Variants in COP1 observed in about 807,000 individuals in gnomAD.
COP1 encodes COP1 E3 ubiquitin ligase.
In COP1, 24 loss-of-function variants were observed where a neutral mutation model predicts 101.3. The observed-to-expected ratio is 0.24, with a 90% CI of 0.17 to 0.33. The LOEUF (loss-of-function observed/expected upper bound fraction) is 0.33, where lower values mean the gene tolerates loss of function less well. Ranked by LOEUF, COP1 falls within the 10% of genes least tolerant of loss-of-function variation. COP1 has a pLI of 1.00. For missense variants in COP1, 663 were observed against 906.2 expected, an observed-to-expected ratio of 0.73 and a Z score of 3.45; for synonymous variants, 347 against 341.9, an observed-to-expected ratio of 1.01 and a Z score of -0.17.
At chr1:176,001,044 T>C (rs545816176) in intron 15 of COP1, among the ~76,000 whole-genome samples, 1 of 152,192 alleles carries the variant, frequency 6.6e-6, no homozygotes, top group East Asian at 1.9e-4. Flanking sequence ...AATTTTAGAA[T>C]TACTATTTTA....
intron 9 of COP1, among the ~76,000 whole-genome samples, chr1:176,109,005 G>T (rs187539606): frequency 6.6e-6 from 1 of 152,086 alleles, no homozygotes; most frequent in Admixed American, 6.5e-5. Context: ...TCAGCTACTC[G>T]GGAGGCTGAG....
chr1:176,054,663 T>A (rs759209550), intron 11 of COP1, among the ~76,000 whole-genome samples: 1 of 152,180 alleles, frequency 6.6e-6, no homozygotes, highest in African/African-American at 2.4e-5. Flanking sequence ...AGTCCCATCC[T>A]TGCTTACCTA....
At chr1:176,069,850 T>G (rs959413195) in intron 11 of COP1, among the ~76,000 whole-genome samples, 4 of 152,222 alleles carry the variant, frequency 2.6e-5, no homozygotes, top group African/African-American at 9.6e-5. Context: ...CAACAGATTA[T>G]CTCCTTTCCC....
chr1:176,190,403 A>G (rs941090290), intron 1 of COP1, among the ~76,000 whole-genome samples: 2 of 152,046 alleles, frequency 1.3e-5, no homozygotes, highest in African/African-American at 4.8e-5. Context: ...CTGTTTATTA[A>G]AATCGTGTTC....
At chr1:176,046,007 C>G (rs1187281458) in intron 12 of COP1, among the ~76,000 whole-genome samples, 174 bp downstream of exon 12, 1 of 150,224 alleles carries the variant, frequency 6.7e-6, no homozygotes, top group Non-Finnish European at 1.5e-5. Context: ...AAAAAGCAAC[C>G]AATATCTGTA....
chr1:176,105,856 G>C (rs1364983740), intron 9 of COP1, among the ~76,000 whole-genome samples: 1 of 152,098 alleles, frequency 6.6e-6, no homozygotes, highest in Non-Finnish European at 1.5e-5. Context: ...TAACCAAAAT[G>C]TATGCATCTA....
rs762203205 is a variant in COP1 at position 175,968,530 on chromosome 1, C to T, written c.2133+18413G>A. On this transcript the variant is annotated intron_variant, in intron 18 of 19. Coordinates refer to ENST00000367669, the MANE Select transcript of COP1 (RefSeq NM_022457.7). ...CATTTGTCCACATGGCTGGTTCCAG[C>T]AGCTTCCATTTCTGGTGTGCTTCAT... 52 of 517,708 alleles carry T rather than the reference C, an allele frequency of 1.0e-4. No individual in the cohort carries two copies. The Admixed American group carries it at 1.0e-3, about 10-fold the overall frequency. The allele number at this position is 517,708 out of a possible 1,614,324, so 32.1% of individuals were successfully genotyped here.
Position 176,025,753 on chromosome 1 carries a change from G to A in COP1, c.1729+1819C>T, listed in dbSNP as rs544269216. Among the ~76,000 whole-genome samples the A allele has an allele frequency of 2.6e-5, 4 of 152,084 alleles. No individual in the cohort carries two copies. The South Asian group carries it at 8.3e-4, about 32-fold the overall frequency. ...AAAAATACAAAAATTAGCCAGGTGT[G>A]GTGGTGCACGCCTGTAGTCCCAGCT... On this transcript the variant is annotated intron_variant, in intron 15 of 19. Coordinates refer to ENST00000367669, the MANE Select transcript of COP1 (RefSeq NM_022457.7).
chr1:176,173,595 G>A (rs964259563), intron 3 of COP1, among the ~76,000 whole-genome samples: 1 of 150,202 alleles, frequency 6.7e-6, no homozygotes, highest in African/African-American at 2.5e-5. Flanking sequence ...AGCCATGATC[G>A]CACTACTGCA....
At chr1:176,073,282 C>T (rs945256494) in intron 11 of COP1, among the ~76,000 whole-genome samples, 1 of 152,110 alleles carries the variant, frequency 6.6e-6, no homozygotes, top group Admixed American at 6.6e-5. Flanking sequence ...TCAATGAATG[C>T]CACCATAGAT....
intron 3 of COP1, 47 bp from the exon 4 acceptor site, chr1:176,163,938 T>C (rs1694722082): frequency 7.6e-7 from 1 of 1,313,514 alleles, no homozygotes; most frequent in Non-Finnish European, 1.1e-6. Context: ...TGTATTTTTG[T>C]TAAATGTATC....
intron 18 of COP1, among the ~76,000 whole-genome samples, chr1:175,985,112 A>G (rs1656796496): frequency 1.3e-5 from 2 of 152,214 alleles, no homozygotes; most frequent in Non-Finnish European, 2.9e-5. Flanking sequence ...AGGGGCCAGA[A>G]GCAGAATGAT....
At chr1:176,092,231 A>G (rs778080522) in intron 9 of COP1, among the ~76,000 whole-genome samples, 1 of 152,154 alleles carries the variant, frequency 6.6e-6, no homozygotes, top group Non-Finnish European at 1.5e-5. Flanking sequence ...AAAACACTGT[A>G]CCTAATTTAA....
chr1:175,952,335 T>C (rs540733784), intron 18 of COP1, among the ~76,000 whole-genome samples: 2 of 149,832 alleles, frequency 1.3e-5, no homozygotes, highest in Non-Finnish European at 2.9e-5. Context: ...GGTGGGAGAA[T>C]CGCTTGAACC....
intron 15 of COP1, among the ~76,000 whole-genome samples, chr1:175,997,630 C>CA (rs1309203730): frequency 2.6e-5 from 4 of 152,096 alleles, no homozygotes; most frequent in Admixed American, 2.6e-4. Context: ...TTTATGCAGC[C>CA]AAAAAACACA....
chr1:175,956,756 G>A (rs1650704351), intron 18 of COP1, among the ~76,000 whole-genome samples: 1 of 152,084 alleles, frequency 6.6e-6, no homozygotes, highest in South Asian at 2.1e-4. Context: ...CATTAATTTA[G>A]ATTATACTCC....
At chr1:175,980,648 G>C (rs1405181510) in intron 18 of COP1, among the ~76,000 whole-genome samples, 1 of 151,578 alleles carries the variant, frequency 6.6e-6, no homozygotes, top group African/African-American at 2.4e-5. Context: ...GATGTCTCAA[G>C]CCACAACAGA....
chr1:176,142,795 T>G (rs949253210), intron 6 of COP1, among the ~76,000 whole-genome samples: 1 of 150,876 alleles, frequency 6.6e-6, no homozygotes, highest in Non-Finnish European at 1.5e-5. Flanking sequence ...GAAAAAAATA[T>G]AATGAAAATT....
At chr1:176,003,189 C>A (rs1662192454) in intron 15 of COP1, among the ~76,000 whole-genome samples, 4 of 152,102 alleles carry the variant, frequency 2.6e-5, no homozygotes, top group Admixed American at 2.6e-4. Context: ...CCTTTGCCCA[C>A]TTTTTGATGG....
Sources: gnomAD v4.1 joint callset for allele counts (sites outside exome capture counted in the v4.1 genomes callset) on GRCh38, gnomAD v4.1.1 for gene constraint, MANE v1.5 for transcripts, NCBI Gene and HGNC (gene_info 2026-07-23, HGNC 2026-07-21) for gene names.